The following CYFIP1 variants were observed in gnomAD, a reference collection of about 807,000 sequenced individuals.
CYFIP1 encodes the protein cytoplasmic FMR1-interacting protein 1.
Under a neutral mutation model 163.5 loss-of-function variants are expected in CYFIP1, and 58 were observed. The ratio of observed to expected loss-of-function variants is 0.35; its 90% CI spans 0.29 to 0.44. The LOEUF is 0.44. Among genes scored for constraint, CYFIP1 ranks in the 20% least tolerant of loss-of-function variants. The pLI, the probability that CYFIP1 is intolerant of heterozygous loss-of-function variation, is 1.00. For synonymous variants in CYFIP1, 663 were observed against 660.7 expected (o/e 1.00, Z -0.05); for missense variants, 1,338 against 1,653.8 (o/e 0.81, Z 3.31).
intron 11 of CYFIP1, among the ~76,000 whole-genome samples, chr15:22,931,686 G>GAAAAAAAAAAATAAAAAAAAAAAAAAA (rs2061540071): frequency 2.5e-5 from 1 of 39,720 alleles, no homozygotes; most frequent in African/African-American, 9.3e-5. Context: ...ATGTTTTTCT[G>GAAAAAAAAAAATAAAAAAAAAAAAAAA]AAAAAAAAAA....
rs113443032 is a variant in CYFIP1, at chr15:22,968,910, G to A, written c.-7+11377C>T. Among the ~76,000 whole-genome samples the A allele has an allele frequency of 1.0e-3, 156 of 152,288 alleles. 2 individuals are homozygous for A. Among genetic ancestry groups the A allele is most frequent in the African/African-American group, 2.4e-3 (100 of 41,558 alleles). ...TTGAGCTTTGGACAGGGATTCAAAT[G>A]TAATGCAGAACTTCACCACTTCAGC... On this transcript the variant is annotated intron_variant, in intron 1 of 30. Transcript: ENST00000617928.
chr15:22,900,868 G>A (rs923814497), intron 22 of CYFIP1, among the ~76,000 whole-genome samples: 4 of 151,842 alleles, frequency 2.6e-5, no homozygotes, highest in Non-Finnish European at 4.4e-5. Flanking sequence ...ATGCTACCAC[G>A]TACAGCAGAA....
intron 17 of CYFIP1, among the ~76,000 whole-genome samples, chr15:22,913,109 T>C (rs1171475389): frequency 1.3e-5 from 2 of 151,566 alleles, no homozygotes; most frequent in East Asian, 1.9e-4. Context: ...GGCAGGAGGA[T>C]CACCTGAGCC....
intron 26 of CYFIP1, among the ~76,000 whole-genome samples, chr15:22,876,766 A>T (rs909648390): frequency 6.6e-6 from 1 of 151,980 alleles, no homozygotes; most frequent in Non-Finnish European, 1.5e-5. Context: ...AGGAGGTAGA[A>T]GTTGTGGTGA....
Position 22,869,973 on chromosome 15 carries a change from T to C in CYFIP1, c.*55A>G. 1 of 1,476,076 alleles carries C rather than the reference T, an allele frequency of 6.8e-7. No individual in the cohort carries two copies. Among genetic ancestry groups the C allele is most frequent in the Non-Finnish European group, 9.0e-7 (1 of 1,111,188 alleles). The allele number at this position is 1,476,076 out of a possible 1,614,324, so 91.4% of individuals were successfully genotyped here. On this transcript the variant is annotated 3_prime_UTR_variant, in exon 31 of 31. Coordinates refer to ENST00000617928, the MANE Select transcript of CYFIP1 (RefSeq NM_014608.6). ...AATAGTCCCTAAAAATCTCACTAAA[T>C]AGTTTACGGAGAGAAAGGCATGCCA...
At chr15:22,886,484 T>G (rs988111410) in intron 23 of CYFIP1, among the ~76,000 whole-genome samples, 25 of 152,234 alleles carry the variant, frequency 1.6e-4, no homozygotes, top group African/African-American at 6.0e-4. Flanking sequence ...TCTTGATATA[T>G]TTACATTTCA....
rs751140259 is a variant in CYFIP1, at chr15:22,951,512, G to A, written c.-6-4221C>T. On this transcript the variant is annotated intron_variant, in intron 1 of 30. Coordinates refer to ENST00000617928, the MANE Select transcript of CYFIP1 (RefSeq NM_014608.6). ...GCCAGGCTGCCTGAGGACGTGCTTCGGCCCCATAGGGGCTGCCCGTGTCCT... is the reference window on the plus strand; with the variant it reads ...GCCAGGCTGCCTGAGGACGTGCTTCAGCCCCATAGGGGCTGCCCGTGTCCT... The A allele has an allele frequency of 4.8e-5, 62 of 1,288,164 alleles. 1 individual carries two copies. The highest frequency in any genetic ancestry group is 1.1e-4 in the East Asian group (2 of 18,032). The allele number at this position is 1,288,164 out of a possible 1,614,324, so 79.8% of individuals were successfully genotyped here.
chr15:22,964,501 C>T (rs190433629), intron 1 of CYFIP1, among the ~76,000 whole-genome samples: 2 of 152,218 alleles, frequency 1.3e-5, no homozygotes, highest in East Asian at 3.9e-4. Flanking sequence ...TGGCTGACCT[C>T]GGCCACGGTG....
intron 22 of CYFIP1, among the ~76,000 whole-genome samples, chr15:22,900,699 C>G (rs183445673): frequency 6.6e-6 from 1 of 151,806 alleles, no homozygotes; most frequent in Non-Finnish European, 1.5e-5. Context: ...CGTGCCTGGC[C>G]GAGCCTGGAA....
At chr15:22,878,054 C>T (rs1246853046) in intron 26 of CYFIP1, among the ~76,000 whole-genome samples, 1 of 152,214 alleles carries the variant, frequency 6.6e-6, no homozygotes, top group Non-Finnish European at 1.5e-5. Flanking sequence ...ACAACTCTGC[C>T]TTTGCAAAGC....
chr15:22,884,458 T>A (rs757473177), intron 23 of CYFIP1, among the ~76,000 whole-genome samples: 10 of 152,280 alleles, frequency 6.6e-5, no homozygotes, highest in Non-Finnish European at 1.0e-4. Flanking sequence ...TTTAAAATAA[T>A]CTCCTTTGAC....
At chr15:22,894,472 T>TA (rs1314750805) in intron 22 of CYFIP1, among the ~76,000 whole-genome samples, 1 of 151,504 alleles carries the variant, frequency 6.6e-6, no homozygotes, top group Non-Finnish European at 1.5e-5. Context: ...GTATTTTTAG[T>TA]AGAGACAGGG....
At chr15:22,889,103 T>C (rs2060002380) in intron 23 of CYFIP1, among the ~76,000 whole-genome samples, 1 of 152,142 alleles carries the variant, frequency 6.6e-6, no homozygotes, top group Admixed American at 6.5e-5. Context: ...GCTTAGGTTT[T>C]AACAAAAACG....
intron 21 of CYFIP1, among the ~76,000 whole-genome samples, chr15:22,907,598 C>T (rs1352835941): frequency 6.6e-6 from 1 of 152,240 alleles, no homozygotes; most frequent in East Asian, 1.9e-4. Flanking sequence ...AACCCTCCCC[C>T]TGCTCCCACA....
chr15:22,947,256 C>T lies in CYFIP1; in HGVS notation c.30G>A (p.Ala10=), dbSNP rs34148834. 41 of 1,613,912 alleles carry T rather than the reference C, an allele frequency of 2.5e-5. No homozygotes were observed. In the African/African-American group the frequency reaches 3.9e-4, roughly 15 times the overall value. Residue 10 remains alanine, a synonymous_variant, in exon 2 of 31, where the codon GCG becomes GCA. Transcript: ENST00000617928. ...CCTCCAGGAGGTCCACGTTGGACAG[C>T]GCGTCCTCCAGAGTCACCTGGGCCG... MAAQVTLED[A]LSNVDLLEEL...
intron 26 of CYFIP1, among the ~76,000 whole-genome samples, chr15:22,878,608 C>G (rs1279807731): frequency 6.7e-6 from 1 of 150,088 alleles, no homozygotes; most frequent in Non-Finnish European, 1.5e-5. Context: ...GGAATGTCTT[C>G]ATGACCCCAA....
At chr15:22,934,210 A>C (rs1420538960) in intron 9 of CYFIP1, among the ~76,000 whole-genome samples, 1 of 104,494 alleles carries the variant, frequency 9.6e-6, no homozygotes, top group African/African-American at 4.2e-5. Flanking sequence ...TTTTTGAGAC[A>C]GAGTCTCGCT....
chr15:22,951,226 C>A (rs2062238512), intron 1 of CYFIP1: 6 of 760,736 alleles, frequency 7.9e-6, no homozygotes, highest in South Asian at 5.9e-5. Flanking sequence ...ACCTGGACCT[C>A]CCCGACACGT....
intron 9 of CYFIP1, among the ~76,000 whole-genome samples, chr15:22,936,587 G>A (rs368880987): frequency 6.6e-6 from 1 of 152,338 alleles, no homozygotes; most frequent in East Asian, 1.9e-4. Context: ...AGCGTCATCA[G>A]GCTGCAGGTA....
Sources: gnomAD v4.1 joint callset for allele counts (sites outside exome capture counted in the v4.1 genomes callset) on GRCh38, gnomAD v4.1.1 for gene constraint, MANE v1.5 for transcripts, NCBI Gene and HGNC (gene_info 2026-07-23, HGNC 2026-07-21) for gene names.